Variants in ERC1 observed in about 807,000 individuals in gnomAD.
ERC1 encodes RAB6 interacting protein 2.
Under a neutral mutation model 132.0 loss-of-function variants are expected in ERC1, and 56 were observed. That is an observed-to-expected ratio of 0.42 (90% CI 0.34 to 0.53). The LOEUF is 0.53. Ranked by LOEUF, ERC1 falls within the 20% of genes least tolerant of loss-of-function variation. ERC1 has a pLI of 0.03. For missense variants in ERC1, 1,202 were observed against 1,349.9 expected (o/e 0.89, Z 1.72); for synonymous variants, 478 against 476.1 (o/e 1.00, Z -0.05).
chr12:1,032,870 T>G (rs1196694137), intron 2 of ERC1, among the ~76,000 whole-genome samples: 1 of 151,694 alleles, frequency 6.6e-6, no homozygotes, highest in African/African-American at 2.4e-5. Context: ...TCAGGTTTTT[T>G]TTTTTAATTG....
chr12:1,090,866 G>A (rs7136073), intron 3 of ERC1, among the ~76,000 whole-genome samples: 8 of 26,614 alleles, frequency 3.0e-4, no homozygotes, highest in African/African-American at 8.4e-4. Flanking sequence ...TGTTGTTGTT[G>A]TTATTATTAT....
chr12:1,220,122 C>G (rs577928878), intron 12 of ERC1, among the ~76,000 whole-genome samples: 1 of 152,182 alleles, frequency 6.6e-6, no homozygotes, highest in African/African-American at 2.4e-5. Context: ...CTCTGTGCCT[C>G]TTCTCCTAGA....
At chr12:1,075,721 T>TC (rs373894382) in intron 2 of ERC1, among the ~76,000 whole-genome samples, 236 of 139,820 alleles carry the variant, frequency 1.7e-3, no homozygotes, top group African/African-American at 5.8e-3. Context: ...AGCAAGACTG[T>TC]CTCGGGGGAA....
intron 1 of ERC1, among the ~76,000 whole-genome samples, chr12:1,012,931 C>T (rs966472883): frequency 1.1e-4 from 17 of 152,120 alleles, no homozygotes; most frequent in African/African-American, 2.9e-4. Flanking sequence ...GATTACTGAC[C>T]CAGTCCAGGT....
intron 15 of ERC1, among the ~76,000 whole-genome samples, chr12:1,334,249 C>T (rs1325873352): frequency 2.0e-5 from 3 of 152,156 alleles, no homozygotes; most frequent in Non-Finnish European, 4.4e-5. Context: ...AGATCCTGTT[C>T]ATCAATTTTT....
At chr12:1,345,410 C>A (rs2084357237) in intron 15 of ERC1, among the ~76,000 whole-genome samples, 1 of 152,076 alleles carries the variant, frequency 6.6e-6, no homozygotes, top group African/African-American at 2.4e-5. Context: ...GTCTCAATCT[C>A]CTGATCTCGT....
intron 3 of ERC1, among the ~76,000 whole-genome samples, chr12:1,098,057 C>T (rs10773924): frequency 0.57 from 86,775 of 152,064 alleles, 27,363 homozygotes; most frequent in East Asian, 0.9. Flanking sequence ...TTAATGGGAA[C>T]CTTACTCATT....
At position 1,439,784 on chromosome 12, in the gene ERC1, G is replaced by A. The variant is rs559861366; in HGVS notation, c.3025-4778G>A. ...AGTTATAACTTACGGGTCCTGTAAG[G>A]CATTCTCTTTCTACTTGGCAAATGT... On this transcript the variant is annotated intron_variant, in intron 17 of 18. Coordinates refer to ENST00000360905, the MANE Select transcript of ERC1 (RefSeq NM_178040.4). Among the ~76,000 whole-genome samples, 4 of 152,280 alleles carry A rather than the reference G, an allele frequency of 2.6e-5. No individual in the cohort carries two copies. The East Asian group carries it at 7.7e-4, about 29-fold the overall frequency.
intron 7 of ERC1, among the ~76,000 whole-genome samples, chr12:1,136,740 A>C (rs1949282685): frequency 6.6e-6 from 1 of 152,140 alleles, no homozygotes; most frequent in Non-Finnish European, 1.5e-5. Context: ...GCAATACCAA[A>C]TGAATTTACA....
chr12:1,262,947 A>C, intron 13 of ERC1, 87 bp from the exon 14 acceptor site: 1 of 1,350,502 alleles, frequency 7.4e-7, no homozygotes, highest in Non-Finnish European at 1.0e-6. Flanking sequence ...AAGAACATTT[A>C]ATAAGCAAAC....
intron 15 of ERC1, among the ~76,000 whole-genome samples, chr12:1,332,546 G>A (rs1280099337): frequency 2.6e-5 from 4 of 152,168 alleles, no homozygotes; most frequent in African/African-American, 4.8e-5. Context: ...TTCCCTGCTA[G>A]GCCTCTGCTC....
intron 15 of ERC1, among the ~76,000 whole-genome samples, chr12:1,301,213 A>T (rs1027232987): frequency 2.0e-5 from 3 of 152,132 alleles, no homozygotes; most frequent in Non-Finnish European, 2.9e-5. Context: ...GAAGATATGG[A>T]TAAAAATCTA....
At chr12:1,106,267 C>G (rs1397490225) in intron 4 of ERC1, among the ~76,000 whole-genome samples, 1 of 152,188 alleles carries the variant, frequency 6.6e-6, no homozygotes, top group Non-Finnish European at 1.5e-5. Flanking sequence ...TCAATCCATA[C>G]TAGCTGTTGC....
chr12:1,252,769 T>A (rs571965623), intron 13 of ERC1, among the ~76,000 whole-genome samples: 1 of 152,338 alleles, frequency 6.6e-6, no homozygotes, highest in East Asian at 1.9e-4. Context: ...TGTAACCAAA[T>A]TCTGTCTCTG....
intron 7 of ERC1, among the ~76,000 whole-genome samples, chr12:1,137,743 C>CT (rs1949399298): frequency 6.6e-6 from 1 of 151,580 alleles, no homozygotes; most frequent in Non-Finnish European, 1.5e-5. Context: ...ATCCCAGCTA[C>CT]CAGGGAGGCT....
chr12:1,431,672 C>T (rs1304934122), intron 17 of ERC1, among the ~76,000 whole-genome samples: 1 of 152,010 alleles, frequency 6.6e-6, no homozygotes, highest in Non-Finnish European at 1.5e-5. Flanking sequence ...TCCATTTAGC[C>T]AATGTTTTAT....
At chr12:1,130,519 A>G (rs1948655108) in intron 7 of ERC1, among the ~76,000 whole-genome samples, 2 of 152,178 alleles carry the variant, frequency 1.3e-5, no homozygotes, top group Non-Finnish European at 2.9e-5. Flanking sequence ...TTATTGCAGT[A>G]TACTTTGTGT....
chr12:1,479,315 C>T (rs2094039468), intron 18 of ERC1, among the ~76,000 whole-genome samples: 1 of 152,176 alleles, frequency 6.6e-6, no homozygotes, highest in African/African-American at 2.4e-5. Flanking sequence ...TTCACATACA[C>T]ACCTGCCAGT....
At chr12:1,251,578 A>T (rs2076471587) in intron 13 of ERC1, among the ~76,000 whole-genome samples, 1 of 152,198 alleles carries the variant, frequency 6.6e-6, no homozygotes, top group Non-Finnish European at 1.5e-5. Flanking sequence ...CTTTTACTGC[A>T]GGTGAAGCAC....
Sources: gnomAD v4.1 joint callset for allele counts (sites outside exome capture counted in the v4.1 genomes callset) on GRCh38, gnomAD v4.1.1 for gene constraint, MANE v1.5 for transcripts, NCBI Gene and HGNC (gene_info 2026-07-23, HGNC 2026-07-21) for gene names.